CACNA1B: variants seen among roughly 807,000 people sequenced by gnomAD.
CACNA1B encodes the protein voltage-dependent N-type calcium channel subunit alpha-1B.
A neutral mutation model predicts 247.2 loss-of-function variants in CACNA1B; 70 were observed. The observed-to-expected ratio is 0.28, with a 90% CI of 0.23 to 0.35. The LOEUF (loss-of-function observed/expected upper bound fraction) is 0.35, where lower values mean the gene tolerates loss of function less well. CACNA1B is among the 10% of genes least tolerant of loss of function. The pLI, the probability that CACNA1B is intolerant of heterozygous loss-of-function variation, is 1.00. For missense variants in CACNA1B, 2,367 were observed against 3,197.4 expected (o/e 0.74, Z 6.26); for synonymous variants, 1,231 against 1,294.4 (o/e 0.95, Z 1.05).
At chr9:137,908,016 G>T (rs976299596) in intron 3 of CACNA1B, among the ~76,000 whole-genome samples, 2 of 152,152 alleles carry the variant, frequency 1.3e-5, no homozygotes, top group Admixed American at 6.5e-5. Context: ...TCTGGCTCTC[G>T]TTCTGCCCCA....
chr9:137,885,360 C>T (rs149299914), intron 3 of CACNA1B, among the ~76,000 whole-genome samples: 27 of 152,286 alleles, frequency 1.8e-4, no homozygotes, highest in Middle Eastern at 3.4e-3. Flanking sequence ...TGCTGTGCGG[C>T]GAGTGCTGGT....
intron 36 of CACNA1B, among the ~76,000 whole-genome samples, chr9:138,092,833 G>C (rs59603293): frequency 0.046 from 7,022 of 152,250 alleles, 507 homozygotes; most frequent in African/African-American, 0.15. Flanking sequence ...TTCTTCTGCC[G>C]TGGCTTCAGC....
chr9:138,042,771 C>T lies in CACNA1B; in HGVS notation c.3287-1003C>T, dbSNP rs79294005. Among the ~76,000 whole-genome samples, 602 of 152,296 alleles carry T rather than the reference C, an allele frequency of 4.0e-3. 21 individuals carry two copies. The East Asian group carries it at 0.077, about 19-fold the overall frequency. ...GCCTTCGCTGTTTTCATGCTCACCT[C>T]GAAGCTTTTTTTCTCTGGCACAGCC... On this transcript the variant is annotated intron_variant, in intron 20 of 46. Transcript: ENST00000371372.
Position 138,078,097 on chromosome 9 carries a change from T to G in CACNA1B, c.4950-17T>G. 6.2e-7 allele frequency: 1 copy of G among 1,612,376 alleles called. No homozygotes were observed. Among genetic ancestry groups the G allele is most frequent in the Non-Finnish European group, 8.5e-7 (1 of 1,179,172 alleles). On this transcript the variant is annotated splice_polypyrimidine_tract_variant and intron_variant, in intron 35 of 46. Transcript: ENST00000371372. Reference sequence around the variant, plus strand: ...CAAGGGCCTCTGTGGGCCTCACAACTCTGCCCTTCTTCTCAGGAGCGCCAC... The same window carrying G: ...CAAGGGCCTCTGTGGGCCTCACAACGCTGCCCTTCTTCTCAGGAGCGCCAC...
In CACNA1B at chr9:137,971,443, G is replaced by A. The variant is rs200510570; in HGVS notation, c.1394G>A (p.Arg465Gln). 23 of 1,613,414 alleles carry A rather than the reference G, an allele frequency of 1.4e-5. No homozygotes were observed. In the Admixed American group the frequency reaches 1.5e-4, roughly 11 times the overall value. ...SGKTESSSYF[R>Q]RKEKMFRFFI... ...AAGACAGAGAGCTCGTCATACTTCC[G>A]GAGGAAGGAGAAGATGTTCCGGTTT... The change falls in exon 11 of 47, where the codon CGG (arginine) becomes CAG (glutamine). Residue 465 changes from arginine to glutamine, a missense_variant. Around this residue, in one of 12 missense-constraint regions of CACNA1B, gnomAD observed 219 missense variants for 297.6 expected, o/e 0.74. Coordinates refer to ENST00000371372, the MANE Select transcript of CACNA1B (RefSeq NM_000718.4). The surrounding 1 kb of genome is among the most constrained non-coding windows in gnomAD (Gnocchi z 4.4).
chr9:138,009,763 G>T (rs866688675), intron 16 of CACNA1B, among the ~76,000 whole-genome samples: 14 of 152,202 alleles, frequency 9.2e-5, no homozygotes, highest in African/African-American at 3.4e-4. Flanking sequence ...GGGCATTAGG[G>T]GAGGCTGGGT....
At chr9:138,056,312 T>G (rs1160979662) in intron 26 of CACNA1B, among the ~76,000 whole-genome samples, 1 of 152,256 alleles carries the variant, frequency 6.6e-6, no homozygotes, top group Non-Finnish European at 1.5e-5. Context: ...TTCTGGACAC[T>G]TTTTGTAAAT....
chr9:138,022,805 T>TG lies in CACNA1B; in HGVS notation c.2268-194dup, dbSNP rs71387879. On this transcript the variant is annotated intron_variant, in intron 18 of 46. Transcript: ENST00000371372. ...ACCTTGCGGGTCCTGTGGGACACCGTGGGGGGGGGGGGCGGCGGGGCTGAA... is the reference window on the plus strand; with the variant it reads ...ACCTTGCGGGTCCTGTGGGACACCGTGGGGGGGGGGGGGCGGCGGGGCTGAA... Among the ~76,000 whole-genome samples, 35,759 of 130,200 alleles carry TG rather than the reference T, an allele frequency of 0.27. 6,811 individuals carry two copies. Among genetic ancestry groups the TG allele is most frequent in the Non-Finnish European group, 0.38 (21,341 of 56,498 alleles). 85.4% of individuals were successfully genotyped at this position (130,200 alleles called of 152,430 possible). A position where few individuals can be genotyped will look rare whatever the true frequency, so the allele number is the denominator to read the frequency against.
intron 10 of CACNA1B, among the ~76,000 whole-genome samples, chr9:137,964,408 G>GT (rs1958052937): frequency 1.3e-5 from 2 of 151,878 alleles, no homozygotes; most frequent in Non-Finnish European, 2.9e-5. Context: ...TTTTTTCTCT[G>GT]TTTTTGTCTG....
rs1420497750 is a variant in CACNA1B at position 137,995,070 on chromosome 9, C to T, written c.1974+8216C>T. On this transcript the variant is annotated intron_variant, in intron 15 of 46. Transcript: ENST00000371372. ...AAAAAGTACACAAATTAGCCAGGTG[C>T]GGTGGCTTGTGCCTGTAATCCCAGC... 2.6e-5 allele frequency among the ~76,000 whole-genome samples: 4 copies of T among 151,920 alleles called. No homozygotes were observed. The East Asian group carries it at 5.8e-4, about 22-fold the overall frequency.
intron 6 of CACNA1B, among the ~76,000 whole-genome samples, chr9:137,929,047 T>C (rs1957581467): frequency 6.6e-6 from 1 of 152,232 alleles, no homozygotes; most frequent in South Asian, 2.1e-4. Flanking sequence ...GCTATGAACA[T>C]TCTTGCACAA....
chr9:138,099,562 C>T (rs1157384698), intron 37 of CACNA1B, among the ~76,000 whole-genome samples: 3 of 144,256 alleles, frequency 2.1e-5, no homozygotes, highest in South Asian at 2.2e-4. Flanking sequence ...TGTGTGCCAC[C>T]GTGGTGCGTA....
At chr9:137,911,083 C>A (rs1957354881) in intron 3 of CACNA1B, among the ~76,000 whole-genome samples, 1 of 152,100 alleles carries the variant, frequency 6.6e-6, no homozygotes, top group African/African-American at 2.4e-5. Context: ...AAGGGTCCAA[C>A]TTTATTCTGC....
intron 20 of CACNA1B, among the ~76,000 whole-genome samples, chr9:138,034,806 A>G (rs1023452331): frequency 1.3e-5 from 2 of 152,048 alleles, no homozygotes; most frequent in Admixed American, 6.5e-5. Flanking sequence ...CCCCTTATCC[A>G]TGGTTTTACT....
intron 36 of CACNA1B, among the ~76,000 whole-genome samples, chr9:138,080,495 A>G (rs187723512): frequency 3.7e-4 from 56 of 152,326 alleles, no homozygotes; most frequent in African/African-American, 1.3e-3. Context: ...GTTGATAAGC[A>G]TGTTTAGTGT....
chr9:137,911,063 GGT>G (rs1957354616), intron 3 of CACNA1B, among the ~76,000 whole-genome samples: 1 of 151,992 alleles, frequency 6.6e-6, no homozygotes, highest in Non-Finnish European at 1.5e-5. Flanking sequence ...TTCTGTATTT[GGT>G]GTAAGGTAAG....
At chr9:137,916,284 C>T (rs1564887911) in intron 5 of CACNA1B, among the ~76,000 whole-genome samples, 1 of 152,166 alleles carries the variant, frequency 6.6e-6, no homozygotes, top group Non-Finnish European at 1.5e-5. Flanking sequence ...CTGCCCACCT[C>T]AGCCTCCCAA....
intron 26 of CACNA1B, among the ~76,000 whole-genome samples, chr9:138,055,133 T>C (rs1378260769): frequency 2.0e-5 from 3 of 151,244 alleles, no homozygotes; most frequent in East Asian, 1.9e-4. Context: ...CTTTTTCTTT[T>C]TTTTTTTTTT....
rs1482162413 is a variant in CACNA1B at position 138,006,757 on chromosome 9, A to G, written c.1975-10A>G. 2.6e-6 allele frequency: 4 copies of G among 1,533,402 alleles called. No homozygotes were observed. The highest frequency in any genetic ancestry group is 9.0e-7 in the Non-Finnish European group (1 of 1,107,472). The allele number at this position is 1,533,402 out of a possible 1,614,324, so 95.0% of individuals were successfully genotyped here. A position where few individuals can be genotyped will look rare whatever the true frequency, so the allele number is the denominator to read the frequency against. ...TGGGGGCTTGCCCTGTGTTCTCTCCATCCTGGCAGATCCTGACGGGAGAGG... is the reference window on the plus strand; with the variant it reads ...TGGGGGCTTGCCCTGTGTTCTCTCCGTCCTGGCAGATCCTGACGGGAGAGG... On this transcript the variant is annotated splice_polypyrimidine_tract_variant and intron_variant, in intron 15 of 46. Coordinates refer to ENST00000371372, the MANE Select transcript of CACNA1B (RefSeq NM_000718.4).
Sources: gnomAD v4.1 joint callset for allele counts (sites outside exome capture counted in the v4.1 genomes callset) on GRCh38, gnomAD v4.1.1 for gene constraint, gnomAD v4.1.1 regional missense constraint, Gnocchi (gnomAD v3.1) non-coding constraint, MANE v1.5 for transcripts, NCBI Gene and HGNC (gene_info 2026-07-23, HGNC 2026-07-21) for gene names.